Variants in SHANK2 observed in about 807,000 individuals in gnomAD.
The protein encoded by SHANK2 is SH3 and multiple ankyrin repeat domains 2.
A neutral mutation model predicts 133.7 loss-of-function variants in SHANK2; 43 were observed. That is an observed-to-expected ratio of 0.32 (90% CI 0.25 to 0.41). The LOEUF (loss-of-function observed/expected upper bound fraction) is 0.41, where lower values mean the gene tolerates loss of function less well. Among genes scored for constraint, SHANK2 ranks in the 10% least tolerant of loss-of-function variants. The pLI is 1.00. For synonymous variants in SHANK2, 1,017 were observed against 952.8 expected (o/e 1.07, Z -1.24); for missense variants, 1,994 against 2,235.8 (o/e 0.89, Z 2.18).
intron 17 of SHANK2, among the ~76,000 whole-genome samples, chr11:70,568,650 C>CCCA (rs575894929): frequency 0.029 from 3,590 of 124,992 alleles, 482 homozygotes; most frequent in East Asian, 0.12. Context: ...ATTCCTGCCC[C>CCCA]CCCCGCCCAC....
intron 10 of SHANK2, among the ~76,000 whole-genome samples, chr11:70,942,127 C>G (rs980440971): frequency 2.5e-4 from 38 of 151,854 alleles, no homozygotes; most frequent in African/African-American, 9.2e-4. Context: ...GCGGAGGTTG[C>G]GGTGAACTGA....
At chr11:71,226,523 T>G (rs1274548940) in intron 1 of SHANK2, 2 of 152,044 alleles carry the variant, frequency 1.3e-5, no homozygotes, top group Non-Finnish European at 2.9e-5. Flanking sequence ...TTCTGAACAC[T>G]AAGAAAAAAT....
chr11:70,939,120 T>C (rs1555083908), intron 10 of SHANK2, among the ~76,000 whole-genome samples: 1 of 152,144 alleles, frequency 6.6e-6, no homozygotes, highest in Non-Finnish European at 1.5e-5. Context: ...ATGAATAAGA[T>C]GATGAGGACC....
chr11:70,511,657 A>C (rs546593787), intron 17 of SHANK2, among the ~76,000 whole-genome samples: 22 of 152,164 alleles, frequency 1.4e-4, no homozygotes, highest in Non-Finnish European at 2.8e-4. Flanking sequence ...GAAATCATGG[A>C]TCCAGATAAC....
At position 70,470,188 on chromosome 11, in the gene SHANK2, G is replaced by A. The variant is rs1591468698; in HGVS notation, c.*2681C>T. The A allele has an allele frequency of 4.6e-5, 7 of 152,696 alleles. No homozygotes were observed. The South Asian group carries it at 1.0e-3, about 23-fold the overall frequency. The allele number at this position is 152,696 out of a possible 1,614,324, so 9.5% of individuals were successfully genotyped here. On this transcript the variant is annotated 3_prime_UTR_variant, in exon 26 of 26. Coordinates refer to ENST00000601538, the MANE Select transcript of SHANK2 (RefSeq NM_012309.5). ...AAATAAGCAGATAGAGATAGAGACC[G>A]ATTCATCTTGGCAACATGTGTTTAT...
At chr11:70,892,364 A>C (rs1555074876) in intron 11 of SHANK2, among the ~76,000 whole-genome samples, 1 of 151,134 alleles carries the variant, frequency 6.6e-6, no homozygotes, top group African/African-American at 2.5e-5. Context: ...GGTGGGGGGG[A>C]CTGCCCTGTT....
chr11:71,102,437 A>G (rs1369163025), intron 6 of SHANK2, among the ~76,000 whole-genome samples: 1 of 152,172 alleles, frequency 6.6e-6, no homozygotes, highest in Non-Finnish European at 1.5e-5. Context: ...CCCCATGTCC[A>G]GCCCCAAAAC....
At chr11:70,716,168 A>G (rs1555027226) in intron 14 of SHANK2, among the ~76,000 whole-genome samples, 1 of 152,104 alleles carries the variant, frequency 6.6e-6, no homozygotes, top group Non-Finnish European at 1.5e-5. Flanking sequence ...CAATCAGAGC[A>G]CCTCGAAGAA....
At chr11:71,101,768 T>C (rs1555096668) in intron 6 of SHANK2, among the ~76,000 whole-genome samples, 4 of 152,208 alleles carry the variant, frequency 2.6e-5, no homozygotes, top group Admixed American at 2.6e-4. Context: ...GGACCCAGAA[T>C]GTCCTCGAGG....
intron 9 of SHANK2, among the ~76,000 whole-genome samples, chr11:71,070,281 T>A (rs1215825394): frequency 1.3e-5 from 2 of 150,834 alleles, no homozygotes; most frequent in Non-Finnish European, 3.0e-5. Context: ...TAAGGAGGAG[T>A]ATGAGGGATA....
intron 10 of SHANK2, among the ~76,000 whole-genome samples, chr11:70,933,934 C>CA (rs1440688937): frequency 5.4e-5 from 8 of 147,908 alleles, no homozygotes; most frequent in African/African-American, 1.8e-4. Flanking sequence ...AACAAACAAA[C>CA]AAACAAAACA....
intron 10 of SHANK2, chr11:70,948,383 G>T (rs899089177): frequency 1.3e-5 from 6 of 457,048 alleles, no homozygotes; most frequent in Admixed American, 2.3e-5. Flanking sequence ...GCTCTTACGA[G>T]AAACTCCATA....
At chr11:70,619,236 G>A (rs1378784385) in intron 17 of SHANK2, among the ~76,000 whole-genome samples, 1 of 152,168 alleles carries the variant, frequency 6.6e-6, no homozygotes, top group Non-Finnish European at 1.5e-5. Context: ...ATGTTCTTAC[G>A]TGCCAGTTCT....
intron 17 of SHANK2, among the ~76,000 whole-genome samples, chr11:70,566,131 T>G (rs1284693038): frequency 6.6e-6 from 1 of 152,116 alleles, no homozygotes; most frequent in Non-Finnish European, 1.5e-5. Flanking sequence ...ATGAGACTTG[T>G]TCACTACTAT....
At chr11:70,895,202 C>A (rs956821078) in intron 11 of SHANK2, among the ~76,000 whole-genome samples, 1 of 152,170 alleles carries the variant, frequency 6.6e-6, no homozygotes, top group Middle Eastern at 3.2e-3. Flanking sequence ...CATCCTCGTG[C>A]GGTTCTCCAA....
intron 17 of SHANK2, among the ~76,000 whole-genome samples, chr11:70,629,704 G>A (rs1483749256): frequency 6.6e-6 from 1 of 152,202 alleles, no homozygotes; most frequent in Non-Finnish European, 1.5e-5. Context: ...CTGGGCCAGA[G>A]GCACGGGACA....
chr11:70,747,241 G>A (rs951131116), intron 14 of SHANK2, among the ~76,000 whole-genome samples: 1 of 152,046 alleles, frequency 6.6e-6, no homozygotes, highest in Non-Finnish European at 1.5e-5. Context: ...CAAGTGCACA[G>A]GGAGGTGGCA....
rs1452683487 is a variant in SHANK2, at chr11:70,471,111, G to C, written c.*1758C>G. Reference sequence around the variant, plus strand: ...TTTCTAGCACTGAAGTGGCACAAAGGCTGCCTAGTAGACCAGCCACTTTTT... The same window carrying C: ...TTTCTAGCACTGAAGTGGCACAAAGCCTGCCTAGTAGACCAGCCACTTTTT... On this transcript the variant is annotated 3_prime_UTR_variant, in exon 26 of 26. Transcript: ENST00000601538. The surrounding 1 kb of genome is among the most constrained non-coding windows in gnomAD (Gnocchi z 4.1). The C allele has an allele frequency of 2.5e-6, 1 of 396,614 alleles. No individual in the cohort carries two copies. Among genetic ancestry groups the C allele is most frequent in the Non-Finnish European group, 4.4e-6 (1 of 225,142 alleles). The allele number at this position is 396,614 out of a possible 1,614,324, so 24.6% of individuals were successfully genotyped here.
At chr11:71,209,222 C>T (rs1555118493) in intron 2 of SHANK2, among the ~76,000 whole-genome samples, 3 of 152,230 alleles carry the variant, frequency 2.0e-5, no homozygotes, top group Non-Finnish European at 4.4e-5. Flanking sequence ...GGATAAATGT[C>T]GCTCTGGGTG....
Sources: allele counts gnomAD v4.1 joint callset (sites outside exome capture counted in the v4.1 genomes callset), GRCh38; gene constraint gnomAD v4.1.1; non-coding constraint Gnocchi (gnomAD v3.1); transcripts MANE v1.5; gene names NCBI Gene and HGNC (gene_info 2026-07-23, HGNC 2026-07-21).